The following IL27RA variants were observed in gnomAD, a reference collection of about 807,000 sequenced individuals.
IL27RA encodes interleukin 27 receptor subunit alpha, also known as interleukin-27 receptor subunit alpha.
IL27RA carries 61 observed loss-of-function variants against 80.8 expected under a neutral mutation model. The ratio of observed to expected loss-of-function variants is 0.76; its 90% CI spans 0.61 to 0.93. IL27RA has a LOEUF of 0.93. IL27RA is among the 40% of genes least tolerant of loss of function. The pLI, the probability that IL27RA is intolerant of heterozygous loss-of-function variation, is 0.00. For synonymous variants in IL27RA, 316 were observed against 332.5 expected (o/e 0.95, Z 0.54); for missense variants, 735 against 808.1 (o/e 0.91, Z 1.10).
In IL27RA at chr19:14,049,070, A is replaced by G. The variant is rs779424831; in HGVS notation, c.1231A>G (p.Arg411Gly). The change falls in exon 9 of 14, where the codon AGG becomes GGG. Residue 411 changes from arginine to glycine, a missense_variant. Physicochemically the swap from Arg to Gly is moderately radical, Grantham distance 125. Transcript: ENST00000263379. ...CTCTGCATCCTCCGTCTGGGGGTTC[A>G]GGGAGGAATTAGGTAAGAGTGGGGC... ...LASASSVWGF[R>G]EELAPLVGPT... 6.2e-7 allele frequency: 1 copy of G among 1,613,492 alleles called. No homozygotes were observed. Among genetic ancestry groups the G allele is most frequent in the South Asian group, 1.1e-5 (1 of 91,008 alleles).
At chr19:14,048,031 C>T (rs1488629631) in intron 8 of IL27RA, among the ~76,000 whole-genome samples, 2 of 150,080 alleles carry the variant, frequency 1.3e-5, no homozygotes, top group South Asian at 2.1e-4. Context: ...GATCTCAGCT[C>T]ACTGCAGCGT....
In IL27RA at chr19:14,051,720, G is replaced by A. The variant is rs781342850; in HGVS notation, c.1622+20G>A. Reference sequence around the variant, plus strand: ...TGGAAGGTGAGGCTGTCGGATACATGCATCTCTACCCACGTGGGGAAGGCA... The same window carrying A: ...TGGAAGGTGAGGCTGTCGGATACATACATCTCTACCCACGTGGGGAAGGCA... On this transcript the variant is annotated intron_variant, in intron 12 of 13. Coordinates refer to ENST00000263379, the MANE Select transcript of IL27RA (RefSeq NM_004843.4). 4 of 1,566,432 alleles carry A rather than the reference G, an allele frequency of 2.6e-6. No homozygotes were observed. The African/African-American group carries it at 5.4e-5, about 21-fold the overall frequency.
Position 14,036,089 on chromosome 19 carries a change from AAAGAAAG to A in IL27RA, c.219-3413_219-3407del, listed in dbSNP as rs1442074330. On this transcript the variant is annotated intron_variant, in intron 2 of 13. Coordinates refer to ENST00000263379, the MANE Select transcript of IL27RA (RefSeq NM_004843.4). ...GACCCGTCTCTATTAAAAAAAAAAA[AAAGAAAG>A]AAGAAGAAGAAGAAGAAGAGGAAGA... Among the ~76,000 whole-genome samples the A allele has an allele frequency of 4.6e-5, 7 of 151,462 alleles. No homozygotes were observed. In the East Asian group the frequency reaches 1.2e-3, roughly 25 times the overall value.
rs948782504 is a variant in IL27RA at position 14,031,970 on chromosome 19, A to C, written c.98A>C (p.Gln33Pro). ...GTGCTTTTCCAGCGGACGCGTCCCC[A>C]GGGTGAGTGCTGGAGGGAGCTCGTG... The part of the protein sequence containing the change: ...LWVLFQRTRP[Q>P]GSAGPLQCYG... The change falls in exon 1 of 14, where the codon CAG becomes CCG. Residue 33 changes from glutamine to proline, a missense_variant and splice_region_variant. By Grantham distance (76) the Gln-to-Pro change is moderately conservative. Transcript: ENST00000263379. 4 of 1,608,684 alleles carry C rather than the reference A, an allele frequency of 2.5e-6. No homozygotes were observed. Among genetic ancestry groups the C allele is most frequent in the Non-Finnish European group, 2.5e-6 (3 of 1,177,464 alleles).
intron 11 of IL27RA, 31 bp downstream of exon 11, chr19:14,050,914 G>C: frequency 6.3e-7 from 1 of 1,592,136 alleles, no homozygotes; most frequent in Non-Finnish European, 8.6e-7. Context: ...TTGCCACAGG[G>C]AGGGGATGTA....
chr19:14,033,399 G>A (rs531772022), intron 2 of IL27RA, among the ~76,000 whole-genome samples: 1 of 151,226 alleles, frequency 6.6e-6, no homozygotes, highest in South Asian at 2.1e-4. Context: ...GTGCCTGGCC[G>A]AGAGCCCGTC....
Position 14,049,169 on chromosome 19 carries a change from G to A in IL27RA, c.1257G>A (p.Gly419=). ...CTTCCTCCCCAGCACCCCTAGTGGG[G>A]CCAACGCTTTGGCGACTCCAAGATG... ...GFREELAPLV[G]PTLWRLQDAP... Residue 419 remains glycine, a synonymous_variant, in exon 10 of 14, where the codon GGG becomes GGA. Transcript: ENST00000263379. 6.2e-7 allele frequency: 1 copy of A among 1,613,972 alleles called. No individual in the cohort carries two copies. The highest frequency in any genetic ancestry group is 8.5e-7 in the Non-Finnish European group (1 of 1,179,898).
At chr19:14,051,570 TA>T in intron 11 of IL27RA, 36 bp from the exon 12 acceptor site, 1 of 1,175,438 alleles carries the variant, frequency 8.5e-7, no homozygotes. Context: ...TAAAATAAAA[TA>T]AAAAATTAAG....
At chr19:14,042,876 C>T (rs536016146) in intron 6 of IL27RA, 87 bp downstream of exon 6, 29 of 1,202,814 alleles carry the variant, frequency 2.4e-5, no homozygotes, top group East Asian at 2.3e-4. Context: ...CAGTGGCTCA[C>T]GCTTGTAATC....
intron 6 of IL27RA, among the ~76,000 whole-genome samples, chr19:14,043,845 C>T (rs1358586548): frequency 6.6e-6 from 1 of 150,810 alleles, no homozygotes; most frequent in East Asian, 2.0e-4. Flanking sequence ...GTCAGGAGTT[C>T]GAGACCAGCC....
At chr19:14,050,953 A>G in intron 11 of IL27RA, 70 bp downstream of exon 11, 1 of 1,489,162 alleles carries the variant, frequency 6.7e-7, no homozygotes, top group Non-Finnish European at 9.1e-7. Flanking sequence ...TAGCATCTGG[A>G]GTCATTACTT....
Position 14,042,741 on chromosome 19 carries a change from G to T in IL27RA, c.720G>T (p.Gly240=). ...CTCCAAAAGATGTGTGGGTATCAGGGAACCTCTGTGGGACGCCTGGAGGAG... is the reference window on the plus strand; with the variant it reads ...CTCCAAAAGATGTGTGGGTATCAGGTAACCTCTGTGGGACGCCTGGAGGAG... ...PSAPKDVWVS[G]NLCGTPGGEE... The change falls in exon 6 of 14, where the codon GGG becomes GGT. Residue 240 remains glycine, a synonymous_variant. Coordinates refer to ENST00000263379, the MANE Select transcript of IL27RA (RefSeq NM_004843.4). The T allele has an allele frequency of 6.2e-7, 1 of 1,614,174 alleles. No homozygotes were observed. Among genetic ancestry groups the T allele is most frequent in the Non-Finnish European group, 8.5e-7 (1 of 1,180,034 alleles).
intron 2 of IL27RA, among the ~76,000 whole-genome samples, chr19:14,036,214 C>G (rs1975895982): frequency 6.6e-6 from 1 of 151,936 alleles, no homozygotes; most frequent in Non-Finnish European, 1.5e-5. Flanking sequence ...AGGGTAGTCT[C>G]AAACTCCTGA....
chr19:14,051,728 A>C, intron 12 of IL27RA, 28 bp downstream of exon 12: 1 of 1,542,138 alleles, frequency 6.5e-7, no homozygotes, highest in Non-Finnish European at 8.9e-7. Context: ...ATGCATCTCT[A>C]CCCACGTGGG....
chr19:14,032,533 A>G (rs746580099), intron 2 of IL27RA, 30 bp downstream of exon 2: 9 of 1,476,636 alleles, frequency 6.1e-6, no homozygotes, highest in Non-Finnish European at 8.5e-6. Context: ...GTGGGGAAAC[A>G]GGCTTTGGAG....
intron 2 of IL27RA, 44 bp from the exon 3 acceptor site, chr19:14,039,464 G>A (rs775396585): frequency 1.9e-6 from 3 of 1,575,008 alleles, no homozygotes; most frequent in Admixed American, 3.5e-5. Flanking sequence ...AGTGGCCCTG[G>A]CTCTAGCCGA....
intron 2 of IL27RA, among the ~76,000 whole-genome samples, chr19:14,036,841 T>C (rs936117719): frequency 9.8e-6 from 1 of 101,914 alleles, no homozygotes; most frequent in Non-Finnish European, 2.3e-5. Context: ...GTATACCACA[T>C]TTTTTTTTTT....
chr19:14,048,878 C>T (rs1384899658), intron 8 of IL27RA, 103 bp from the exon 9 acceptor site: 2 of 976,932 alleles, frequency 2.0e-6, no homozygotes, highest in Non-Finnish European at 3.3e-6. Flanking sequence ...CAGTCAGATC[C>T]TTATCTCAGG....
chr19:14,046,557 C>A lies in IL27RA; in HGVS notation c.1080C>A (p.Asp360Glu), dbSNP rs761788192. 1 of 1,613,854 alleles carries A rather than the reference C, an allele frequency of 6.2e-7. No individual in the cohort carries two copies. The highest frequency in any genetic ancestry group is 8.5e-7 in the Non-Finnish European group (1 of 1,179,890). ...TAGTGGACTGGGCTCGAGATGGGGA[C>A]CCCCTGGAGAAACTCAACTGGGTCC... ...EHVVDWARDG[D>E]PLEKLNWVRL... The change falls in exon 8 of 14, where the codon GAC becomes GAA. Residue 360 changes from aspartate to glutamate, a missense_variant. Transcript: ENST00000263379.
Sources: allele counts gnomAD v4.1 joint callset (sites outside exome capture counted in the v4.1 genomes callset), GRCh38; gene constraint gnomAD v4.1.1; transcripts MANE v1.5; gene names NCBI Gene and HGNC (gene_info 2026-07-23, HGNC 2026-07-21).